Variants in FHIT observed in about 807,000 individuals in gnomAD.
FHIT encodes bis(5'-adenosyl)-triphosphatase.
Under a neutral mutation model 17.9 loss-of-function variants are expected in FHIT, and 19 were observed. The ratio of observed to expected loss-of-function variants is 1.06; its 90% CI spans 0.74 to 1.56. FHIT has a LOEUF of 1.56. Among genes scored for constraint, FHIT ranks in the 40% most tolerant of loss-of-function variants. The pLI, the probability that FHIT is intolerant of heterozygous loss-of-function variation, is 0.00. For missense variants in FHIT, 248 were observed against 189.2 expected (o/e 1.31, Z -1.82); for synonymous variants, 81 against 69.7 (o/e 1.16, Z -0.81).
intron 5 of FHIT, among the ~76,000 whole-genome samples, chr3:60,297,828 T>C (rs1352326688): frequency 6.6e-5 from 10 of 152,114 alleles, no homozygotes; most frequent in African/African-American, 1.4e-4. Flanking sequence ...CCCAGAGATA[T>C]TGTCAGATCC....
chr3:60,937,286 T>C (rs1482355690), intron 3 of FHIT, among the ~76,000 whole-genome samples: 1 of 152,228 alleles, frequency 6.6e-6, no homozygotes, highest in Admixed American at 6.5e-5. Context: ...GGGCTGTATT[T>C]GGTCAGTAAC....
chr3:61,033,422 A>T (rs2033102097), intron 3 of FHIT, among the ~76,000 whole-genome samples: 1 of 152,204 alleles, frequency 6.6e-6, no homozygotes, highest in African/African-American at 2.4e-5. Context: ...GTAGGAAAAA[A>T]ACTGTAAAAT....
chr3:59,980,909 C>T (rs577669883), intron 7 of FHIT, among the ~76,000 whole-genome samples: 1 of 152,250 alleles, frequency 6.6e-6, no homozygotes, highest in African/African-American at 2.4e-5. Context: ...TACAATGTGT[C>T]CTAAAATTAA....
intron 3 of FHIT, among the ~76,000 whole-genome samples, chr3:61,029,713 A>T (rs554174950): frequency 1.7e-4 from 26 of 151,884 alleles, no homozygotes; most frequent in African/African-American, 6.3e-4. Context: ...AAGCAAAGGA[A>T]TTTTTTTTTC....
intron 5 of FHIT, among the ~76,000 whole-genome samples, chr3:60,285,266 A>C (rs182553623): frequency 2.6e-5 from 4 of 152,066 alleles, no homozygotes; most frequent in Non-Finnish European, 5.9e-5. Flanking sequence ...AAGATTTTTT[A>C]AAAAAATAAA....
At chr3:60,731,527 T>G (rs1387832690) in intron 4 of FHIT, among the ~76,000 whole-genome samples, 2 of 152,186 alleles carry the variant, frequency 1.3e-5, no homozygotes, top group Non-Finnish European at 1.5e-5. Context: ...TGGAGTGGGC[T>G]GTTCACGTGC....
chr3:60,822,605 C>G (rs1701966217), intron 3 of FHIT, among the ~76,000 whole-genome samples: 1 of 152,162 alleles, frequency 6.6e-6, no homozygotes, highest in Non-Finnish European at 1.5e-5. Flanking sequence ...TATGTAGCTG[C>G]TCAACATCAC....
rs1172861333 is a variant in FHIT at position 60,283,091 on chromosome 3, T to A, written c.103+253769A>T. The stretch of plus-strand genomic sequence containing the variant: ...GAAAGACCTTTGGAGAGTGCACACT[T>A]GAGTAAATAGCGGCCTCTGTTCATG... On this transcript the variant is annotated intron_variant, in intron 5 of 9. Transcript: ENST00000492590. Among the ~76,000 whole-genome samples the A allele has an allele frequency of 2.0e-5, 3 of 152,086 alleles. No individual in the cohort carries two copies. The East Asian group carries it at 5.8e-4, about 29-fold the overall frequency.
intron 5 of FHIT, among the ~76,000 whole-genome samples, chr3:60,085,671 C>G (rs1703464699): frequency 6.6e-6 from 1 of 152,172 alleles, no homozygotes; most frequent in African/African-American, 2.4e-5. Flanking sequence ...TAGGGGAGGT[C>G]AGAAGATACA....
At chr3:60,007,210 C>T (rs568344372) in intron 7 of FHIT, among the ~76,000 whole-genome samples, 4 of 152,244 alleles carry the variant, frequency 2.6e-5, no homozygotes, top group African/African-American at 9.6e-5. Context: ...AGATAGCTCA[C>T]ATTTAACTTA....
intron 5 of FHIT, among the ~76,000 whole-genome samples, chr3:60,297,590 G>C (rs182655338): frequency 6.6e-6 from 1 of 152,010 alleles, no homozygotes; most frequent in East Asian, 1.9e-4. Context: ...AAAAAGGCTA[G>C]TTTTACTGCT....
intron 8 of FHIT, among the ~76,000 whole-genome samples, chr3:59,782,618 T>C (rs1244710221): frequency 6.6e-6 from 1 of 152,182 alleles, no homozygotes; most frequent in Non-Finnish European, 1.5e-5. Context: ...TTCAATACCA[T>C]GATGCATCCG....
chr3:59,796,470 G>A (rs929600157), intron 8 of FHIT, among the ~76,000 whole-genome samples: 1 of 152,112 alleles, frequency 6.6e-6, no homozygotes, highest in African/African-American at 2.4e-5. Flanking sequence ...AGTCTTCAAA[G>A]AGGCCTTCCT....
At chr3:60,841,370 A>G (rs2106864117) in intron 3 of FHIT, among the ~76,000 whole-genome samples, 1 of 152,354 alleles carries the variant, frequency 6.6e-6, no homozygotes, top group East Asian at 1.9e-4. Flanking sequence ...ATTACACTAG[A>G]CAAGGGAGAA....
intron 5 of FHIT, among the ~76,000 whole-genome samples, chr3:60,359,553 A>G (rs1366783732): frequency 3.3e-5 from 5 of 152,160 alleles, no homozygotes; most frequent in Non-Finnish European, 7.4e-5. Context: ...TGCTGGGATT[A>G]CAGGCGTGAG....
chr3:60,143,893 C>T lies in FHIT; in HGVS notation c.104-129741G>A, dbSNP rs1411326253. On this transcript the variant is annotated intron_variant, in intron 5 of 9. Coordinates refer to ENST00000492590, the MANE Select transcript of FHIT (RefSeq NM_002012.4). ...GAGGTCATAGGCCTCCAAATACAGG[C>T]CATACAGCATAAGCAAAATTAACTG... Among the ~76,000 whole-genome samples, 7 of 152,044 alleles carry T rather than the reference C, an allele frequency of 4.6e-5. No homozygotes were observed. The East Asian group carries it at 1.2e-3, about 25-fold the overall frequency.
intron 3 of FHIT, among the ~76,000 whole-genome samples, chr3:61,028,398 G>T (rs570871901): frequency 3.4e-4 from 52 of 152,164 alleles, no homozygotes; most frequent in Non-Finnish European, 6.9e-4. Flanking sequence ...CGTGCTATGG[G>T]ATGACAAGGG....
At chr3:60,777,863 A>G (rs561819361) in intron 4 of FHIT, among the ~76,000 whole-genome samples, 2 of 152,330 alleles carry the variant, frequency 1.3e-5, no homozygotes, top group African/African-American at 4.8e-5. Context: ...TTAAAAAAAA[A>G]TCAGAGCTTA....
Position 61,033,015 on chromosome 3 carries a change from C to G in FHIT, c.-111+9032G>C, listed in dbSNP as rs182448866. On this transcript the variant is annotated intron_variant, in intron 3 of 9. Coordinates refer to ENST00000492590, the MANE Select transcript of FHIT (RefSeq NM_002012.4). ...ATGGATATACCTGCTCAAACAGAGACAGTGAATTTGCCATTTCTGCACGTT... is the reference window on the plus strand; with the variant it reads ...ATGGATATACCTGCTCAAACAGAGAGAGTGAATTTGCCATTTCTGCACGTT... 2.6e-5 allele frequency among the ~76,000 whole-genome samples: 4 copies of G among 152,336 alleles called. No homozygotes were observed. In the East Asian group the frequency reaches 7.7e-4, roughly 29 times the overall value.
Sources: allele counts gnomAD v4.1 joint callset (sites outside exome capture counted in the v4.1 genomes callset), GRCh38; gene constraint gnomAD v4.1.1; transcripts MANE v1.5; gene names NCBI Gene and HGNC (gene_info 2026-07-23, HGNC 2026-07-21).